AATK: variants seen among roughly 807,000 people sequenced by gnomAD.
AATK encodes serine/threonine-protein kinase LMTK1.
AATK carries 91 observed loss-of-function variants against 114.3 expected under a neutral mutation model. The ratio of observed to expected loss-of-function variants is 0.80; its 90% CI spans 0.67 to 0.95. The LOEUF (loss-of-function observed/expected upper bound fraction) is 0.95, where lower values mean the gene tolerates loss of function less well. Ranked by LOEUF, AATK falls within the 40% of genes least tolerant of loss-of-function variation. The pLI, the probability that AATK is intolerant of heterozygous loss-of-function variation, is 0.00. For missense variants in AATK, 2,176 were observed against 1,965.2 expected, an observed-to-expected ratio of 1.11 and a Z score of -2.03; for synonymous variants, 1,075 against 916.5, an observed-to-expected ratio of 1.17 and a Z score of -3.12.
intron 1 of AATK, among the ~76,000 whole-genome samples, chr17:81,139,140 T>C (rs554187724): frequency 8.5e-5 from 13 of 152,294 alleles, no homozygotes; most frequent in African/African-American, 3.1e-4. Context: ...TCAGTAGGTA[T>C]CATCATCCTC....
rs753190135 is a variant in AATK, at chr17:81,122,253, G to A, written c.1683C>T (p.Asp561=). ...CGGCGGTGCTGCCGTCAGAGTCGTCGTCCTGGTCCGCGGTGGCAGGTGGAC... is the reference window on the plus strand; with the variant it reads ...CGGCGGTGCTGCCGTCAGAGTCGTCATCCTGGTCCGCGGTGGCAGGTGGAC... The part of the protein sequence containing the change: ...APSPPATADQ[D]DDSDGSTAAS... The change falls in exon 11 of 14, where the codon GAC becomes GAT. Residue 561 remains aspartate, a synonymous_variant. Coordinates refer to ENST00000326724, the MANE Select transcript of AATK (RefSeq NM_001080395.3). 10 of 1,494,162 alleles carry A rather than the reference G, an allele frequency of 6.7e-6. No homozygotes were observed. The Admixed American group carries it at 6.8e-5, about 10-fold the overall frequency. The allele number at this position is 1,494,162 out of a possible 1,614,324, so 92.6% of individuals were successfully genotyped here.
chr17:81,137,732 AACAT>A (rs1213891878), intron 1 of AATK, among the ~76,000 whole-genome samples: 2 of 151,754 alleles, frequency 1.3e-5, no homozygotes, highest in African/African-American at 2.4e-5. Flanking sequence ...GACAACGCGA[AACAT>A]ACATGCACAC....
chr17:81,157,636 T>C (rs2061382814), intron 1 of AATK, among the ~76,000 whole-genome samples: 1 of 152,170 alleles, frequency 6.6e-6, no homozygotes. Flanking sequence ...TCACAAGGAA[T>C]GTCCCCTCTG....
intron 13 of AATK, 47 bp downstream of exon 13, chr17:81,119,332 GC>G (rs1293558900): frequency 9.9e-6 from 15 of 1,511,722 alleles, no homozygotes; most frequent in Non-Finnish European, 1.2e-5. Context: ...GGAGCTCCGT[GC>G]CCTGCCTCCC....
chr17:81,131,117 T>G lies in AATK; in HGVS notation c.278A>C (p.Tyr93Ser). The change falls in exon 3 of 14, where the codon TAC (tyrosine) becomes TCC (serine). Residue 93 changes from tyrosine (Y) to serine (S), a missense_variant. By Grantham distance (144) the Tyr-to-Ser change is moderately radical. Coordinates refer to ENST00000326724, the MANE Select transcript of AATK (RefSeq NM_001080395.3). ...GGAGACCTCCGTGAGTGGCAGGACG[T>G]ACACGTCGGGCCCGTTCTGTGCTGC... is the stretch of plus-strand genomic sequence containing the variant. ...ATAAQNGPDV[Y>S]VLPLTEVSLP... 6.4e-7 allele frequency: 1 copy of G among 1,562,170 alleles called. No homozygotes were observed. The highest frequency in any genetic ancestry group is 8.7e-7 in the Non-Finnish European group (1 of 1,153,824).
chr17:81,122,719 G>A lies in AATK; in HGVS notation c.1217C>T (p.Ala406Val). 6.3e-7 allele frequency: 1 copy of A among 1,588,844 alleles called. No homozygotes were observed. Among genetic ancestry groups the A allele is most frequent in the Non-Finnish European group, 8.6e-7 (1 of 1,168,486 alleles). Residue 406 changes from alanine to valine, a missense_variant, in exon 11 of 14, where the codon GCA (alanine) becomes GTA (valine). Ala to Val is a moderately conservative substitution (Grantham distance 64, BLOSUM62 0). Around this residue, in one of 4 missense-constraint regions of AATK, gnomAD observed 273 missense variants for 344.1 expected, o/e 0.79. Transcript: ENST00000326724. Reference protein sequence around the residue: ...SYLCAKGATEAEEEFERRWRS... With the variant: ...SYLCAKGATEVEEEFERRWRS... ...CCAGCGCCGTTCAAACTCCTCCTCT[G>A]CTTCGGTGGCGCCCTTGGCACACAG...
intron 1 of AATK, among the ~76,000 whole-genome samples, chr17:81,163,157 C>T (rs2061444988): frequency 6.6e-6 from 1 of 152,204 alleles, no homozygotes; most frequent in Admixed American, 6.5e-5. Context: ...GAGCGCGCCT[C>T]TCCAGAAGCC....
chr17:81,139,832 G>A (rs1358605850), intron 1 of AATK, among the ~76,000 whole-genome samples: 4 of 152,178 alleles, frequency 2.6e-5, no homozygotes, highest in East Asian at 1.9e-4. Context: ...TGGATACACC[G>A]TGACACCAGC....
At chr17:81,135,592 C>T (rs1404778715) in intron 1 of AATK, among the ~76,000 whole-genome samples, 4 of 152,174 alleles carry the variant, frequency 2.6e-5, no homozygotes, top group East Asian at 1.9e-4. Flanking sequence ...CCCCACTGGA[C>T]GAGCCAAGAA....
chr17:81,124,985 G>A lies in AATK; in HGVS notation c.785C>T (p.Thr262Met), dbSNP rs774654612. Residue 262 changes from threonine (T) to methionine (M), a missense_variant, in exon 8 of 14, where the codon ACG becomes ATG. Transcript: ENST00000326724. ...ACCAATCTTCACCGTCAGGTCAGCC[G>A]TGAGCAGGCAGTTCCGCAGGGCCAG... ...SDLALRNCLL[T>M]ADLTVKIGDY... 3.4e-5 allele frequency: 53 copies of A among 1,575,698 alleles called. No homozygotes were observed. The highest frequency in any genetic ancestry group is 8.1e-5 in the African/African-American group (6 of 74,354).
chr17:81,142,593 G>C (rs2146364514), intron 1 of AATK, among the ~76,000 whole-genome samples: 1 of 152,324 alleles, frequency 6.6e-6, no homozygotes, highest in South Asian at 2.1e-4. Context: ...CTGCTGAGAG[G>C]TTGGGGTGGG....
intron 1 of AATK, among the ~76,000 whole-genome samples, chr17:81,159,786 A>G (rs1261710992): frequency 6.6e-6 from 1 of 152,016 alleles, no homozygotes; most frequent in East Asian, 1.9e-4. Context: ...GCCTTGGCAC[A>G]GAGGTGACTC....
At chr17:81,160,879 G>A (rs1020245790) in intron 1 of AATK, among the ~76,000 whole-genome samples, 2 of 152,198 alleles carry the variant, frequency 1.3e-5, no homozygotes, top group Non-Finnish European at 2.9e-5. Context: ...CACCACATCC[G>A]AGGAGACACC....
chr17:81,131,209 C>T lies in AATK; in HGVS notation c.190-4G>A, dbSNP rs748411440. 2.0e-5 allele frequency: 32 copies of T among 1,566,310 alleles called. No homozygotes were observed. Among genetic ancestry groups the T allele is most frequent in the African/African-American group, 2.7e-5 (2 of 74,130 alleles). ...CCCCCTCCGCATTCTCAAACTCCTG[C>T]GGGCCGGGCCGGGCATGAGCGGGGC... On this transcript the variant is annotated splice_region_variant and splice_polypyrimidine_tract_variant and intron_variant, in intron 2 of 13. Transcript: ENST00000326724.
In AATK at chr17:81,157,277, G is replaced by A. The variant is rs530247703; in HGVS notation, c.55+8661C>T. Among the ~76,000 whole-genome samples the A allele has an allele frequency of 2.3e-3, 357 of 152,316 alleles. 5 individuals carry two copies. The highest frequency in any genetic ancestry group is 3.4e-3 in the Middle Eastern group (1 of 294). On this transcript the variant is annotated intron_variant, in intron 1 of 13. Transcript: ENST00000326724. Reference sequence around the variant, plus strand: ...CCGGGACAAGCCCAGGACATGGCAAGGTCCACGGGCCCGGGCCGGGTCCAT... The same window carrying A: ...CCGGGACAAGCCCAGGACATGGCAAAGTCCACGGGCCCGGGCCGGGTCCAT...
rs779103124 is a variant in AATK, at chr17:81,122,178, G to A, written c.1758C>T (p.Val586=). The A allele has an allele frequency of 4.6e-6, 7 of 1,510,548 alleles. No individual in the cohort carries two copies. The highest frequency in any genetic ancestry group is 4.2e-5 in the African/African-American group (3 of 71,992). The allele number at this position is 1,510,548 out of a possible 1,614,324, so 93.6% of individuals were successfully genotyped here. A position where few individuals can be genotyped will look rare whatever the true frequency, so the allele number is the denominator to read the frequency against. Residue 586 remains valine, a synonymous_variant, in exon 11 of 14, where the codon GTC becomes GTT. Coordinates refer to ENST00000326724, the MANE Select transcript of AATK (RefSeq NM_001080395.3). The part of the protein sequence containing the change: ...PLLGHGPPVD[V]PWGRGDHYPR... ...GGTAGTGGTCGCCGCGGCCCCAGGG[G>A]ACGTCGACGGGTGGCCCGTGGCCCA...
At chr17:81,163,777 AC>A (rs1006129474) in intron 1 of AATK, among the ~76,000 whole-genome samples, 2 of 152,152 alleles carry the variant, frequency 1.3e-5, no homozygotes, top group Non-Finnish European at 2.9e-5. Flanking sequence ...TGCCCCCTGT[AC>A]CACCACAACT....
intron 2 of AATK, among the ~76,000 whole-genome samples, chr17:81,134,031 C>T (rs2060974570): frequency 6.6e-6 from 1 of 152,152 alleles, no homozygotes; most frequent in Non-Finnish European, 1.5e-5. Flanking sequence ...GGGAGGCAAG[C>T]CCCCTCCCAC....
chr17:81,154,968 A>G (rs754414462), intron 1 of AATK, among the ~76,000 whole-genome samples: 5 of 152,130 alleles, frequency 3.3e-5, no homozygotes, highest in Non-Finnish European at 7.4e-5. Context: ...TACTTCTTAC[A>G]GCTCGCTGTG....
Sources: gnomAD v4.1 joint callset for allele counts (sites outside exome capture counted in the v4.1 genomes callset) on GRCh38, gnomAD v4.1.1 for gene constraint, gnomAD v4.1.1 regional missense constraint, MANE v1.5 for transcripts, NCBI Gene and HGNC (gene_info 2026-07-23, HGNC 2026-07-21) for gene names.